INO80D: variants seen among roughly 807,000 people sequenced by gnomAD.
INO80D encodes the protein INO80 complex subunit D.
In INO80D, 21 loss-of-function variants were observed where a neutral mutation model predicts 87.6. The observed-to-expected ratio is 0.24, with a 90% CI of 0.17 to 0.35. The LOEUF is 0.35. Ranked by LOEUF, INO80D falls within the 10% of genes least tolerant of loss-of-function variation. The pLI is 1.00. For missense variants in INO80D, 982 were observed against 1,280.7 expected (o/e 0.77, Z 3.56); for synonymous variants, 440 against 491.0 (o/e 0.90, Z 1.37).
intron 8 of INO80D, among the ~76,000 whole-genome samples, chr2:206,016,690 G>T (rs1365160890): frequency 6.6e-6 from 1 of 152,194 alleles, no homozygotes; most frequent in Non-Finnish European, 1.5e-5. Context: ...ACGTGTTGTG[G>T]GAGGGACCTG....
At chr2:206,031,563 C>T (rs1407508408) in intron 5 of INO80D, among the ~76,000 whole-genome samples, 1 of 152,234 alleles carries the variant, frequency 6.6e-6, no homozygotes, top group Non-Finnish European at 1.5e-5. Flanking sequence ...TAGGACAGCA[C>T]CGCCACTGCT....
chr2:205,996,504 G>C lies in INO80D; in HGVS notation c.*7864C>G, dbSNP rs1466950219. The C allele has an allele frequency of 6.6e-6, 1 of 151,924 alleles. No individual in the cohort carries two copies. Among genetic ancestry groups the C allele is most frequent in the Admixed American group, 6.6e-5 (1 of 15,248 alleles). 9.4% of individuals were successfully genotyped at this position (151,924 alleles called of 1,614,324 possible). On this transcript the variant is annotated 3_prime_UTR_variant, in exon 11 of 11. Coordinates refer to ENST00000403263, the MANE Select transcript of INO80D (RefSeq NM_017759.5). ...ATGTTCTGATGATGTACTCTAGACT[G>C]TCACCTCCTCTGGCTTACAGAATAA...
intron 3 of INO80D, among the ~76,000 whole-genome samples, chr2:206,059,431 T>G (rs1689625371): frequency 6.6e-6 from 1 of 152,142 alleles, no homozygotes; most frequent in Admixed American, 6.5e-5. Flanking sequence ...TACTGTAGCA[T>G]ATAGGTGATA....
At chr2:206,016,035 T>C (rs1688310107) in intron 8 of INO80D, among the ~76,000 whole-genome samples, 2 of 152,176 alleles carry the variant, frequency 1.3e-5, no homozygotes, top group African/African-American at 4.8e-5. Flanking sequence ...GGACACCACC[T>C]AGTGGAGCTG....
intron 1 of INO80D, chr2:206,084,577 C>G (rs750753504): frequency 2.0e-5 from 3 of 152,150 alleles, no homozygotes; most frequent in Non-Finnish European, 4.4e-5. Flanking sequence ...TTGGTTTTAC[C>G]GGACAGTGAC....
At chr2:206,021,031 GA>G (rs1275206902) in intron 6 of INO80D, among the ~76,000 whole-genome samples, 7 of 151,686 alleles carry the variant, frequency 4.6e-5, no homozygotes, top group Admixed American at 4.6e-4. Flanking sequence ...AAAAGAAAAA[GA>G]AAAAAGACAA....
At chr2:206,046,749 T>A in intron 4 of INO80D, 137 bp from the exon 5 acceptor site, 1 of 592,534 alleles carries the variant, frequency 1.7e-6, no homozygotes, top group South Asian at 2.1e-5. Flanking sequence ...TGTCTCCTGA[T>A]GAATCTCATT....
Position 206,028,334 on chromosome 2 carries a change from A to T in INO80D, c.1075T>A (p.Ser359Thr), listed in dbSNP as rs776142040. ...RETLRYQRHA[S>T]DDDDAESRSS... is the part of the protein sequence containing the mutation. ...CTACTCTCCGCATCATCATCATCTG[A>T]CCTGGAAAGTGCAGGGAGAGAAAGG... Residue 359 changes from serine to threonine, a missense_variant and splice_region_variant, in exon 6 of 11, where the codon TCA becomes ACA. Ser to Thr is a moderately conservative substitution (Grantham distance 58, BLOSUM62 1). Coordinates refer to ENST00000403263, the MANE Select transcript of INO80D (RefSeq NM_017759.5). 5.0e-6 allele frequency: 8 copies of T among 1,585,154 alleles called. No individual in the cohort carries two copies. The Middle Eastern group carries it at 6.7e-4, about 133-fold the overall frequency.
intron 1 of INO80D, among the ~76,000 whole-genome samples, chr2:206,072,587 T>C (rs1263489695): frequency 6.6e-6 from 1 of 152,118 alleles, no homozygotes; most frequent in Non-Finnish European, 1.5e-5. Context: ...GTAATTCATA[T>C]ATTTTGATTA....
intron 6 of INO80D, chr2:206,025,542 A>AATATATATATATATATATATATATATAT (rs1553616186): frequency 1.3e-5 from 1 of 76,934 alleles, no homozygotes; most frequent in East Asian, 4.3e-4. Flanking sequence ...AAAAAAAAAA[A>AATATATATATATATATATATATATATAT]ATATATATAT....
In INO80D at chr2:206,071,757, A is replaced by C. The variant is rs574745979; in HGVS notation, c.-123-8513T>G. On this transcript the variant is annotated intron_variant, in intron 1 of 10. Transcript: ENST00000403263. The stretch of plus-strand genomic sequence containing the variant: ...CTTCTTTTATTTCTCGAGCTTTTAT[A>C]TCTCATCTTTAAACTCTAGTTTCAG... 8.6e-5 allele frequency among the ~76,000 whole-genome samples: 13 copies of C among 151,724 alleles called. No homozygotes were observed. The South Asian group carries it at 2.7e-3, about 32-fold the overall frequency.
At chr2:206,045,369 C>T (rs1039384851) in intron 5 of INO80D, among the ~76,000 whole-genome samples, 6 of 152,182 alleles carry the variant, frequency 3.9e-5, no homozygotes, top group African/African-American at 1.2e-4. Context: ...CAAAAACCAT[C>T]ACAGATAGCT....
Position 205,995,111 on chromosome 2 carries a change from G to T in INO80D, c.*9257C>A, listed in dbSNP as rs1053843924. On this transcript the variant is annotated 3_prime_UTR_variant, in exon 11 of 11. Coordinates refer to ENST00000403263, the MANE Select transcript of INO80D (RefSeq NM_017759.5). ...ATTAATGAAAGGAGGAGGCAAATTG[G>T]TGAATTAAGTTGATCTAGGAGATGG... 2.6e-5 allele frequency: 4 copies of T among 152,312 alleles called. No individual in the cohort carries two copies. The highest frequency in any genetic ancestry group is 2.6e-4 in the Admixed American group (4 of 15,298). The allele number at this position is 152,312 out of a possible 1,614,324, so 9.4% of individuals were successfully genotyped here.
At chr2:206,043,008 C>T (rs1016098667) in intron 5 of INO80D, among the ~76,000 whole-genome samples, 3 of 152,180 alleles carry the variant, frequency 2.0e-5, no homozygotes, top group African/African-American at 7.2e-5. Context: ...ATGGCACAAT[C>T]CTGCATTACC....
At chr2:206,075,995 T>G (rs1262957796) in intron 1 of INO80D, among the ~76,000 whole-genome samples, 1 of 145,526 alleles carries the variant, frequency 6.9e-6, no homozygotes, top group African/African-American at 2.6e-5. Flanking sequence ...GAGGTTGCAG[T>G]AAGCCAAGAT....
At chr2:206,081,503 A>G (rs1690282109) in intron 1 of INO80D, among the ~76,000 whole-genome samples, 1 of 152,200 alleles carries the variant, frequency 6.6e-6, no homozygotes, top group Non-Finnish European at 1.5e-5. Context: ...CTATAATCCC[A>G]GCACTTGGAA....
At chr2:206,036,176 G>A (rs1212746518) in intron 5 of INO80D, among the ~76,000 whole-genome samples, 1 of 152,162 alleles carries the variant, frequency 6.6e-6, no homozygotes, top group East Asian at 1.9e-4. Context: ...ATGGAAAACA[G>A]TGTGGAGATT....
intron 1 of INO80D, among the ~76,000 whole-genome samples, chr2:206,084,913 CTT>C (rs780527810): frequency 3.3e-5 from 5 of 152,166 alleles, no homozygotes; most frequent in Non-Finnish European, 7.3e-5. Context: ...CCCTTGCAAA[CTT>C]TTCCAAACCG....
In INO80D at chr2:206,009,842, A is replaced by G. The variant is rs185136072; in HGVS notation, c.1543-48T>C. 2.9e-4 allele frequency: 425 copies of G among 1,461,584 alleles called. 8 individuals are homozygous for G. The East Asian group carries it at 5.8e-3, about 20-fold the overall frequency. The allele number at this position is 1,461,584 out of a possible 1,614,324, so 90.5% of individuals were successfully genotyped here. A position where few individuals can be genotyped will look rare whatever the true frequency, so the allele number is the denominator to read the frequency against. On this transcript the variant is annotated intron_variant, in intron 8 of 10. Transcript: ENST00000403263. ...TTTAAATTGAGATTATCTGGGATAAACCTGACAGCTACCTAAAAAATACTT... is the reference window on the plus strand; with the variant it reads ...TTTAAATTGAGATTATCTGGGATAAGCCTGACAGCTACCTAAAAAATACTT...
Sources: allele counts gnomAD v4.1 joint callset (sites outside exome capture counted in the v4.1 genomes callset), GRCh38; gene constraint gnomAD v4.1.1; transcripts MANE v1.5; gene names NCBI Gene and HGNC (gene_info 2026-07-23, HGNC 2026-07-21).